Variants in ALS2 observed in about 807,000 individuals in gnomAD.
ALS2 encodes alsin.
In ALS2, 117 loss-of-function variants were observed where a neutral mutation model predicts 203.4. The observed-to-expected ratio is 0.58, with a 90% confidence interval of 0.50 to 0.67. ALS2 has a LOEUF of 0.67. Ranked by LOEUF, ALS2 falls within the 30% of genes least tolerant of loss-of-function variation. The probability of loss-of-function intolerance (pLI) is 0.00; values close to 1 mark genes in which losing one functional copy is unlikely to be tolerated. For missense variants in ALS2, 1,715 were observed against 1,989.4 expected, an observed-to-expected ratio of 0.86 and a Z score of 2.62; for synonymous variants, 718 against 725.9, an observed-to-expected ratio of 0.99 and a Z score of 0.17.
chr2:201,754,809 G>C, intron 5 of ALS2, 138 bp from the exon 6 acceptor site: 1 of 892,304 alleles, frequency 1.1e-6, no homozygotes, highest in East Asian at 2.6e-5. Flanking sequence ...GCTCTCTGTA[G>C]AAAAGGGGAC....
In ALS2 at chr2:201,729,094, T is replaced by G. The variant is rs781465913; in HGVS notation, c.2670A>C (p.Glu890Asp). 5.0e-6 allele frequency: 8 copies of G among 1,614,156 alleles called. No homozygotes were observed. Among genetic ancestry groups the G allele is most frequent in the Non-Finnish European group, 6.8e-6 (8 of 1,180,030 alleles). ...LHLGRKRKEA[E>D]YTLGFWKTFP... ...AGGTCTTCCAGAAGCCCAGTGTGTA[T>G]TCTGCTTCCTTCCTTTTCCTGCCGA... Residue 890 changes from glutamate to aspartate, a missense_variant, in exon 14 of 34, where the codon GAA becomes GAC. Physicochemically the swap from Glu to Asp is conservative, Grantham distance 45. Around this residue, in one of 3 missense-constraint regions of ALS2, gnomAD observed 1,227 missense variants for 1,413.5 expected, o/e 0.87. Transcript: ENST00000264276.
Position 201,709,880 on chromosome 2 carries a change from C to T in ALS2, c.4280+1G>A. 6.2e-7 allele frequency: 1 copy of T among 1,614,056 alleles called. No homozygotes were observed. The highest frequency in any genetic ancestry group is 1.7e-5 in the Admixed American group (1 of 60,024). ...CAGACTTTAGTGAAAAGCTCTCTTA[C>T]CTCACCAGCTGGAAAATTCGCTTAA... On this transcript the variant is annotated splice_donor_variant, in intron 27 of 33. Coordinates refer to ENST00000264276, the MANE Select transcript of ALS2 (RefSeq NM_020919.4). LOFTEE classifies it high-confidence loss of function.
In ALS2 at chr2:201,701,627, G is replaced by C. The variant is rs1689393215; in HGVS notation, c.*224C>G. The C allele has an allele frequency of 3.6e-6, 2 of 551,750 alleles. No individual in the cohort carries two copies. The highest frequency in any genetic ancestry group is 6.5e-6 in the Non-Finnish European group (2 of 307,522). The allele number at this position is 551,750 out of a possible 1,614,324, so 34.2% of individuals were successfully genotyped here. A position where few individuals can be genotyped will look rare whatever the true frequency, so the allele number is the denominator to read the frequency against. ...GGAACTTATCATAGGCCAAGAACTGGTCTAATCTGATTTTTTACCTCCCTT... is the reference window on the plus strand; with the variant it reads ...GGAACTTATCATAGGCCAAGAACTGCTCTAATCTGATTTTTTACCTCCCTT... On this transcript the variant is annotated 3_prime_UTR_variant, in exon 34 of 34. Transcript: ENST00000264276.
intron 25 of ALS2, among the ~76,000 whole-genome samples, chr2:201,715,333 C>T (rs1487582212): frequency 6.6e-6 from 1 of 152,164 alleles, no homozygotes; most frequent in Non-Finnish European, 1.5e-5. Context: ...CTTGCTTTCA[C>T]GTTTCAGGCT....
intron 13 of ALS2, among the ~76,000 whole-genome samples, chr2:201,729,901 A>AAC (rs1691446440): frequency 4.0e-5 from 6 of 150,782 alleles, no homozygotes; most frequent in African/African-American, 1.5e-4. Flanking sequence ...AAAAAAAAAA[A>AAC]AACAACTTTT....
chr2:201,747,203 C>T (rs1692720558), intron 8 of ALS2, among the ~76,000 whole-genome samples: 1 of 152,150 alleles, frequency 6.6e-6, no homozygotes, highest in Non-Finnish European at 1.5e-5. Flanking sequence ...GCCAACTAAA[C>T]TCTTGGGTGC....
chr2:201,729,866 C>T (rs1425911533), intron 13 of ALS2, among the ~76,000 whole-genome samples: 2 of 107,686 alleles, frequency 1.9e-5, no homozygotes, highest in African/African-American at 7.2e-5. Context: ...GGCAACAGAG[C>T]GAGACTCCGT....
Position 201,718,114 on chromosome 2 carries a change from T to C in ALS2, c.3799A>G (p.Ser1267Gly). Residue 1267 changes from serine (S) to glycine (G), a missense_variant, in exon 24 of 34, where the codon AGT becomes GGT. Transcript: ENST00000264276. The part of the protein sequence containing the change: ...IKITGTYFKP[S>G]LYESDKDRPK... ...CTGTCTTTATCACTCTCATATAGACTAGGTTTGAAGTAGGTTCCAGTGATT... is the reference window on the plus strand; with the variant it reads ...CTGTCTTTATCACTCTCATATAGACCAGGTTTGAAGTAGGTTCCAGTGATT... The C allele has an allele frequency of 1.2e-6, 2 of 1,613,676 alleles. No individual in the cohort carries two copies. Among genetic ancestry groups the C allele is most frequent in the Non-Finnish European group, 1.7e-6 (2 of 1,179,602 alleles).
chr2:201,752,210 A>C (rs1693107894), intron 7 of ALS2, among the ~76,000 whole-genome samples: 1 of 152,094 alleles, frequency 6.6e-6, no homozygotes, highest in Non-Finnish European at 1.5e-5. Flanking sequence ...CAAAAATAAA[A>C]CCTCTCACTT....
chr2:201,730,455 G>A (rs570471563), intron 13 of ALS2, among the ~76,000 whole-genome samples: 13 of 152,090 alleles, frequency 8.5e-5, no homozygotes, highest in Non-Finnish European at 1.8e-4. Context: ...GACTCACAGT[G>A]GCAGATCCAT....
chr2:201,720,584 T>C (rs956918446), intron 23 of ALS2, among the ~76,000 whole-genome samples: 1 of 148,018 alleles, frequency 6.8e-6, no homozygotes, highest in Non-Finnish European at 1.5e-5. Context: ...CATGGTGGCA[T>C]GTGCCTATAG....
At chr2:201,742,046 TA>T (rs1335160938) in intron 10 of ALS2, among the ~76,000 whole-genome samples, 192 bp from the exon 11 acceptor site, 1 of 152,224 alleles carries the variant, frequency 6.6e-6, no homozygotes, top group Non-Finnish European at 1.5e-5. Flanking sequence ...AGGAACTTGT[TA>T]AAAACACATT....
At chr2:201,737,031 G>A (rs1275185136) in intron 12 of ALS2, among the ~76,000 whole-genome samples, 2 of 151,968 alleles carry the variant, frequency 1.3e-5, no homozygotes, top group African/African-American at 4.8e-5. Flanking sequence ...TGAACTTCCA[G>A]GAAACAGAAA....
At chr2:201,742,978 C>G (rs371761943) in intron 10 of ALS2, among the ~76,000 whole-genome samples, 3 of 149,576 alleles carry the variant, frequency 2.0e-5, no homozygotes. Flanking sequence ...GGCTGAGGCA[C>G]GAGAATTGCT....
Position 201,757,729 on chromosome 2 carries a change from G to A in ALS2, c.1144C>T (p.His382Tyr), listed in dbSNP as rs760989649. The A allele has an allele frequency of 6.2e-7, 1 of 1,611,950 alleles. No homozygotes were observed. The highest frequency in any genetic ancestry group is 8.5e-7 in the Non-Finnish European group (1 of 1,179,950). Residue 382 changes from histidine to tyrosine, a missense_variant, in exon 5 of 34, where the codon CAC becomes TAC. His to Tyr is a moderately conservative substitution (Grantham distance 83). Transcript: ENST00000264276. ...GAGGTGCTTGTGGTAGGCGGGCTGT[G>A]GAGATTAGGAATTGCTTCTTCTAAA... Reference protein sequence around the residue: ...PLLEEAIPNLHSPPTTSTSAL... With the variant: ...PLLEEAIPNLYSPPTTSTSAL...
intron 12 of ALS2, among the ~76,000 whole-genome samples, chr2:201,736,272 A>G (rs1377655769): frequency 6.6e-6 from 1 of 152,174 alleles, no homozygotes; most frequent in African/African-American, 2.4e-5. Flanking sequence ...AAGTTACTAC[A>G]TAAGGTTAAA....
chr2:201,760,632 G>C (rs1693702858), intron 4 of ALS2: 1 of 1,292,500 alleles, frequency 7.7e-7, no homozygotes, highest in African/African-American at 1.5e-5. Flanking sequence ...AAAATGAAAT[G>C]CTCCTACTTA....
chr2:201,737,165 C>A (rs1461462085), intron 12 of ALS2, among the ~76,000 whole-genome samples: 1 of 152,122 alleles, frequency 6.6e-6, no homozygotes, highest in Non-Finnish European at 1.5e-5. Context: ...CTAAACGATA[C>A]CATATTACAA....
At chr2:201,707,384 T>C (rs1327917348) in intron 28 of ALS2, among the ~76,000 whole-genome samples, 2 of 151,996 alleles carry the variant, frequency 1.3e-5, no homozygotes, top group African/African-American at 4.8e-5. Flanking sequence ...TGGCTAATAG[T>C]ACTTGAGAGA....
Sources: gnomAD v4.1 joint callset for allele counts (sites outside exome capture counted in the v4.1 genomes callset) on GRCh38, gnomAD v4.1.1 for gene constraint, gnomAD v4.1.1 regional missense constraint, MANE v1.5 for transcripts, NCBI Gene and HGNC (gene_info 2026-07-23, HGNC 2026-07-21) for gene names.